The following PDE11A variants were observed in gnomAD, a reference collection of about 807,000 sequenced individuals.
PDE11A encodes the protein dual 3',5'-cyclic-AMP and -GMP phosphodiesterase 11A.
PDE11A carries 100 observed loss-of-function variants against 100.5 expected under a neutral mutation model. The ratio of observed to expected loss-of-function variants is 1.00; its 90% CI spans 0.85 to 1.18. PDE11A has a LOEUF of 1.18. Ranked by LOEUF, PDE11A falls within the 50% of genes most tolerant of loss-of-function variation. PDE11A has a pLI of 0.00. For synonymous variants in PDE11A, 381 were observed against 420.8 expected, an observed-to-expected ratio of 0.91 and a Z score of 1.16; for missense variants, 1,141 against 1,152.6, an observed-to-expected ratio of 0.99 and a Z score of 0.15.
At chr2:177,904,014 T>C (rs1455800502) in intron 3 of PDE11A, among the ~76,000 whole-genome samples, 2 of 152,190 alleles carry the variant, frequency 1.3e-5, no homozygotes, top group African/African-American at 2.4e-5. Flanking sequence ...CTGATAAAAA[T>C]ATCCATAAAT....
At chr2:178,042,341 G>A (rs1287992839) in intron 1 of PDE11A, among the ~76,000 whole-genome samples, 2 of 151,986 alleles carry the variant, frequency 1.3e-5, no homozygotes, top group Non-Finnish European at 2.9e-5. Context: ...AGCCAGGTGT[G>A]GTGGCACACA....
At chr2:177,873,803 T>A (rs2105692107) in intron 5 of PDE11A, among the ~76,000 whole-genome samples, 1 of 152,342 alleles carries the variant, frequency 6.6e-6, no homozygotes. Context: ...TTCATGCATT[T>A]GATAAAAAAT....
intron 1 of PDE11A, among the ~76,000 whole-genome samples, chr2:178,021,813 T>C (rs2086416148): frequency 6.6e-6 from 1 of 151,778 alleles, no homozygotes; most frequent in African/African-American, 2.4e-5. Context: ...TAGGGAGAGG[T>C]GGAAGGGAGT....
chr2:177,736,161 AAG>A (rs1236435971), intron 10 of PDE11A, among the ~76,000 whole-genome samples: 2 of 152,062 alleles, frequency 1.3e-5, no homozygotes, highest in African/African-American at 2.4e-5. Context: ...ACCAGGGAAA[AAG>A]AGAGAGTACT....
At chr2:177,784,601 T>C (rs752881789) in intron 9 of PDE11A, among the ~76,000 whole-genome samples, 32 of 152,230 alleles carry the variant, frequency 2.1e-4, no homozygotes, top group Non-Finnish European at 4.1e-4. Context: ...TTAATAAAGT[T>C]GCTTTCACTT....
intron 9 of PDE11A, among the ~76,000 whole-genome samples, chr2:177,794,259 T>G (rs949860584): frequency 6.6e-6 from 1 of 152,050 alleles, no homozygotes; most frequent in African/African-American, 2.4e-5. Context: ...GCAAGCCGTG[T>G]GGATATCAGG....
intron 2 of PDE11A, among the ~76,000 whole-genome samples, chr2:177,921,475 A>G (rs2105754269): frequency 6.7e-6 from 1 of 150,142 alleles, no homozygotes; most frequent in East Asian, 2.0e-4. Context: ...TAAAAGCAAA[A>G]AAAAAAAAAG....
intron 2 of PDE11A, among the ~76,000 whole-genome samples, chr2:178,006,535 A>G (rs373571163): frequency 6.4e-4 from 98 of 152,286 alleles, no homozygotes; most frequent in African/African-American, 2.1e-3. Context: ...ACACCATGGC[A>G]ATATTGCTCC....
intron 1 of PDE11A, among the ~76,000 whole-genome samples, chr2:178,058,119 G>A (rs1395501267): frequency 6.6e-6 from 1 of 152,176 alleles, no homozygotes; most frequent in African/African-American, 2.4e-5. Context: ...GCCTCCCAAA[G>A]CGCTGGGATT....
At chr2:177,632,854 CT>C (rs1287508475) in intron 19 of PDE11A, among the ~76,000 whole-genome samples, 2 of 152,164 alleles carry the variant, frequency 1.3e-5, no homozygotes, top group Non-Finnish European at 2.9e-5. Flanking sequence ...AGGGCACAGT[CT>C]TTTACCCCAT....
At chr2:177,720,510 T>C (rs1475779990) in intron 12 of PDE11A, among the ~76,000 whole-genome samples, 1 of 152,092 alleles carries the variant, frequency 6.6e-6, no homozygotes, top group Non-Finnish European at 1.5e-5. Context: ...ACAGTAAAGT[T>C]TGTCTACCAA....
chr2:177,688,148 T>G (rs1410907697), intron 15 of PDE11A: 2 of 152,268 alleles, frequency 1.3e-5, no homozygotes, highest in Non-Finnish European at 2.9e-5. Flanking sequence ...GCAGCCCTCA[T>G]GCTATGTAAC....
At chr2:177,860,610 G>A (rs959378647) in intron 5 of PDE11A, among the ~76,000 whole-genome samples, 1 of 151,496 alleles carries the variant, frequency 6.6e-6, no homozygotes, top group Non-Finnish European at 1.5e-5. Context: ...ATTCTATGAG[G>A]GTAGCATTGC....
intron 9 of PDE11A, among the ~76,000 whole-genome samples, chr2:177,791,662 G>C (rs75415937): frequency 0.011 from 1,703 of 152,080 alleles, 38 homozygotes; most frequent in African/African-American, 0.039. Context: ...TTTCAGGGTT[G>C]TGTTTGATAG....
intron 2 of PDE11A, among the ~76,000 whole-genome samples, chr2:177,931,521 G>A (rs1005547727): frequency 6.6e-6 from 1 of 152,052 alleles, no homozygotes; most frequent in Non-Finnish European, 1.5e-5. Context: ...CACTTACATG[G>A]AAATTAAACA....
At chr2:177,898,247 A>G in intron 3 of PDE11A, 49 bp from the exon 4 acceptor site, 1 of 1,382,192 alleles carries the variant, frequency 7.2e-7, no homozygotes, top group Non-Finnish European at 1.0e-6. Context: ...AACTGAAAAA[A>G]AGTTGCTTTT....
intron 10 of PDE11A, among the ~76,000 whole-genome samples, chr2:177,740,385 CT>C (rs1209715558): frequency 6.6e-6 from 1 of 152,164 alleles, no homozygotes. Context: ...GCATTAGAAA[CT>C]TTTTTTCATC....
intron 18 of PDE11A, among the ~76,000 whole-genome samples, chr2:177,668,254 T>C (rs2080619162): frequency 6.6e-6 from 1 of 152,222 alleles, no homozygotes; most frequent in South Asian, 2.1e-4. Context: ...TTTAATTAAA[T>C]GACCTGTGGT....
chr2:177,873,313 T>C (rs1574239046), intron 5 of PDE11A, among the ~76,000 whole-genome samples: 1 of 152,202 alleles, frequency 6.6e-6, no homozygotes, highest in Non-Finnish European at 1.5e-5. Flanking sequence ...TAGCTAAAGA[T>C]ATCAGCATGA....
Sources: allele counts gnomAD v4.1 joint callset (sites outside exome capture counted in the v4.1 genomes callset), GRCh38; gene constraint gnomAD v4.1.1; transcripts MANE v1.5; gene names NCBI Gene and HGNC (gene_info 2026-07-23, HGNC 2026-07-21).